SRRM2: variants seen among roughly 807,000 people sequenced by gnomAD.
SRRM2 encodes serine/arginine repetitive matrix 2.
In SRRM2, 30 loss-of-function variants were observed where a neutral mutation model predicts 213.8. The ratio of observed to expected loss-of-function variants is 0.14; its 90% CI spans 0.10 to 0.19. The LOEUF is 0.19. Ranked by LOEUF, SRRM2 falls within the 10% of genes least tolerant of loss-of-function variation. SRRM2 has a pLI of 1.00. For synonymous variants in SRRM2, 2,025 were observed against 1,377.7 expected (o/e 1.47, Z -10.40); for missense variants, 4,904 against 3,647.0 (o/e 1.34, Z -8.88).
At chr16:2,755,564 TGAGAG>T (rs567445688) in intron 1 of SRRM2, among the ~76,000 whole-genome samples, 5 of 152,192 alleles carry the variant, frequency 3.3e-5, no homozygotes, top group African/African-American at 1.2e-4. Context: ...TAAATCCTAT[TGAGAG>T]GAAGGAAATT....
rs749033255 is a variant in SRRM2 at position 2,760,329 on chromosome 16, A to G, written c.862A>G (p.Thr288Ala). The G allele has an allele frequency of 6.2e-7, 1 of 1,613,926 alleles. No homozygotes were observed. Among genetic ancestry groups the G allele is most frequent in the South Asian group, 1.1e-5 (1 of 91,072 alleles). The change falls in exon 10 of 15, where the codon ACA becomes GCA. Residue 288 changes from threonine to alanine, a missense_variant. Transcript: ENST00000301740. ...TCGAAGTGCTGCAGCTAAAACTCAT[A>G]CAACTGCCTTGGCTGGGCGAAGTCC... ...RSRSAAAKTHTTALAGRSPSP... is the reference protein window; with the variant it reads ...RSRSAAAKTHATALAGRSPSP...
chr16:2,753,565 C>G (rs2068023281), intron 1 of SRRM2: 1 of 152,200 alleles, frequency 6.6e-6, no homozygotes, highest in Non-Finnish European at 1.5e-5. Context: ...CAACGTCTCC[C>G]GAGAATTCGT....
Position 2,768,999 on chromosome 16 carries a change from T to C in SRRM2, c.7736T>C (p.Val2579Ala). The C allele has an allele frequency of 1.9e-6, 3 of 1,612,622 alleles. No individual in the cohort carries two copies. In the African/African-American group the frequency reaches 4.0e-5, roughly 22 times the overall value. Residue 2579 changes from valine to alanine, a missense_variant and splice_region_variant, in exon 12 of 15, where the codon GTC becomes GCC. Physicochemically the swap from Val to Ala is moderately conservative, Grantham distance 64. Transcript: ENST00000301740. ...GTGACACTCCTCTCCTCCCACAGGG[T>C]CCCCAGCCCCACCCCAGCCCCAAAG... ...PVQPEVALKRVPSPTPAPKEA... is the reference protein window; with the variant it reads ...PVQPEVALKRAPSPTPAPKEA...
Position 2,757,577 on chromosome 16 carries a change from A to G in SRRM2, c.348A>G (p.Pro116=). 1.2e-6 allele frequency: 2 copies of G among 1,613,056 alleles called. No individual in the cohort carries two copies. Among genetic ancestry groups the G allele is most frequent in the Non-Finnish European group, 1.7e-6 (2 of 1,179,244 alleles). The part of the protein sequence containing the change: ...GGKEETPGQR[P]AVTETHQLAE... ...AGGAGGAGACCCCAGGGCAGAGGCCAGCGTGAGTGTTGCGCTCTCCCTCGA... is the reference window on the plus strand; with the variant it reads ...AGGAGGAGACCCCAGGGCAGAGGCCGGCGTGAGTGTTGCGCTCTCCCTCGA... Residue 116 remains proline (P), a splice_region_variant and synonymous_variant, in exon 3 of 15, where the codon CCA becomes CCG. Transcript: ENST00000301740.
intron 3 of SRRM2, 77 bp from the exon 4 acceptor site, chr16:2,757,704 C>A: frequency 6.3e-7 from 1 of 1,585,114 alleles, no homozygotes. Context: ...CCTTATTTGG[C>A]TCCTGCTTAT....
chr16:2,769,776 G>A (rs77554534), intron 12 of SRRM2: 381 of 466,660 alleles, frequency 8.2e-4, no homozygotes, highest in African/African-American at 7.0e-3. Context: ...ACCTCTGCGG[G>A]AGTGGCGTGT....
At chr16:2,769,891 A>G in intron 12 of SRRM2, 1 of 457,874 alleles carries the variant, frequency 2.2e-6, no homozygotes, top group Non-Finnish European at 4.4e-6. Context: ...GTCTAAGGAG[A>G]GCCCATGCCT....
intron 12 of SRRM2, 118 bp downstream of exon 12, chr16:2,769,402 G>T (rs752620879): frequency 1.0e-5 from 12 of 1,192,240 alleles, no homozygotes; most frequent in Admixed American, 4.6e-5. Flanking sequence ...ATCTGGTTGT[G>T]GGGGAGGAGG....
At chr16:2,754,523 C>A (rs923129335) in intron 1 of SRRM2, among the ~76,000 whole-genome samples, 7 of 152,190 alleles carry the variant, frequency 4.6e-5, no homozygotes, top group South Asian at 2.1e-4. Context: ...ATCTCCTGAT[C>A]TGGTGATCCG....
At position 2,769,250 on chromosome 16, in the gene SRRM2, G is replaced by C. The variant is rs755792372; in HGVS notation, c.7987G>C (p.Ala2663Pro). ...TGGCCCTCAGGCCTTGCCCAAACCT[G>C]CAAGCCCCAAGAAGCCACCCCCTGG... Reference protein sequence around the residue: ...KPGPQALPKPASPKKPPPGER... With the variant: ...KPGPQALPKPPSPKKPPPGER... The change falls in exon 12 of 15, where the codon GCA becomes CCA. Residue 2663 changes from alanine (A) to proline (P), a missense_variant. Physicochemically the swap from Ala to Pro is conservative, Grantham distance 27 (BLOSUM62 -1). Coordinates refer to ENST00000301740, the MANE Select transcript of SRRM2 (RefSeq NM_016333.4). 6 of 1,572,510 alleles carry C rather than the reference G, an allele frequency of 3.8e-6. No homozygotes were observed. In the African/African-American group the frequency reaches 4.1e-5, roughly 11 times the overall value.
chr16:2,770,012 C>T, intron 12 of SRRM2: 1 of 614,200 alleles, frequency 1.6e-6, no homozygotes, highest in Non-Finnish European at 2.6e-6. Context: ...CTGCCCCTTC[C>T]CTGCCTTGCC....
At chr16:2,755,656 T>G (rs1397275408) in intron 1 of SRRM2, among the ~76,000 whole-genome samples, 1 of 152,056 alleles carries the variant, frequency 6.6e-6, no homozygotes, top group Non-Finnish European at 1.5e-5. Flanking sequence ...ACCTGGGAGG[T>G]GAAGTATATG....
chr16:2,766,034 C>G lies in SRRM2; in HGVS notation c.5506C>G (p.Arg1836Gly). 6.2e-7 allele frequency: 1 copy of G among 1,614,028 alleles called. No individual in the cohort carries two copies. Among genetic ancestry groups the G allele is most frequent in the South Asian group, 1.1e-5 (1 of 91,078 alleles). Residue 1836 changes from arginine (R) to glycine (G), a missense_variant, in exon 11 of 15, where the codon CGA (arginine) becomes GGA (glycine). By Grantham distance (125) the Arg-to-Gly change is moderately radical. Transcript: ENST00000301740. The surrounding 1 kb of genome is among the most constrained non-coding windows in gnomAD (Gnocchi z 7.0). Reference sequence around the variant, plus strand: ...GCAGGAAAGTTCCCGGACCTCCTCTCGACGCCGAAGAGGCCGCTCTCGGAC... The same window carrying G: ...GCAGGAAAGTTCCCGGACCTCCTCTGGACGCCGAAGAGGCCGCTCTCGGAC... ...ARQESSRTSS[R>G]RRRGRSRTPP...
chr16:2,758,112 C>T (rs543640184), intron 4 of SRRM2, among the ~76,000 whole-genome samples, 167 bp downstream of exon 4: 3 of 152,300 alleles, frequency 2.0e-5, no homozygotes, highest in African/African-American at 7.2e-5. Context: ...CAGTGGGTCA[C>T]GCGCGTAATC....
rs761029197 is a variant in SRRM2 at position 2,768,080 on chromosome 16, C to T, written c.7552C>T (p.Pro2518Ser). Residue 2518 changes from proline (P) to serine (S), a missense_variant, in exon 11 of 15, where the codon CCT becomes TCT. Coordinates refer to ENST00000301740, the MANE Select transcript of SRRM2 (RefSeq NM_016333.4). The stretch of plus-strand genomic sequence containing the variant: ...ACCTGCCTCTACTGGGGCCCAGCAG[C>T]CTTCTGCATTAGCCGCCCTGCAGCC... ...EPPASTGAQQ[P>S]SALAALQPAK... 5 of 1,614,136 alleles carry T rather than the reference C, an allele frequency of 3.1e-6. No individual in the cohort carries two copies. The highest frequency in any genetic ancestry group is 4.2e-6 in the Non-Finnish European group (5 of 1,179,992).
At position 2,763,147 on chromosome 16, in the gene SRRM2, T is replaced by C; in HGVS notation, c.2619T>C (p.Phe873=). 1.2e-6 allele frequency: 2 copies of C among 1,614,108 alleles called. No homozygotes were observed. The highest frequency in any genetic ancestry group is 1.3e-5 in the African/African-American group (1 of 75,010). ...TAACGCCACAGAGACGGAGCTGTTT[T>C]GAATCATCACCTGACCCTGAGTTGA... ...QSVTPQRRSC[F]ESSPDPELKS... is the part of the protein sequence containing the mutation. Residue 873 remains phenylalanine, a synonymous_variant, in exon 11 of 15, where the codon TTT becomes TTC. Transcript: ENST00000301740.
rs777486726 is a variant in SRRM2, at chr16:2,761,890, T to G, written c.1362T>G (p.Ser454=). 1.2e-6 allele frequency: 2 copies of G among 1,612,978 alleles called. No individual in the cohort carries two copies. Among genetic ancestry groups the G allele is most frequent in the Admixed American group, 3.3e-5 (2 of 60,010 alleles). Residue 454 remains serine, a synonymous_variant, in exon 11 of 15, where the codon TCT becomes TCG. Coordinates refer to ENST00000301740, the MANE Select transcript of SRRM2 (RefSeq NM_016333.4). ...CTCCAGGGTCCCACCGAGAGATTTC[T>G]TCTTCTCCCACATCTAAGAATCGCT... ...APAPGSHREI[S]SSPTSKNRSH... is the part of the protein sequence containing the mutation.
Position 2,770,943 on chromosome 16 carries a change from T to TGG in SRRM2, c.*78_*79dup. ...TGTCCCTTCTTCCCCAGCAGAGCCG[T>TGG]GGGAGGGTCCTTGTCTGCTCTCCTT... On this transcript the variant is annotated 3_prime_UTR_variant, in exon 15 of 15. Transcript: ENST00000301740. 1 of 1,589,600 alleles carries TGG rather than the reference T, an allele frequency of 6.3e-7. No homozygotes were observed. Among genetic ancestry groups the TGG allele is most frequent in the Non-Finnish European group, 8.6e-7 (1 of 1,161,892 alleles).
At chr16:2,755,104 G>A (rs1596258278) in intron 1 of SRRM2, among the ~76,000 whole-genome samples, 1 of 152,206 alleles carries the variant, frequency 6.6e-6, no homozygotes, top group East Asian at 1.9e-4. Context: ...TCTCATATAT[G>A]CATGTTCTAG....
Sources: gnomAD v4.1 joint callset for allele counts (sites outside exome capture counted in the v4.1 genomes callset) on GRCh38, gnomAD v4.1.1 for gene constraint, Gnocchi (gnomAD v3.1) non-coding constraint, MANE v1.5 for transcripts, NCBI Gene and HGNC (gene_info 2026-07-23, HGNC 2026-07-21) for gene names.